CADM2: variants seen among roughly 807,000 people sequenced by gnomAD.
CADM2 encodes cell adhesion molecule 2.
In CADM2, 12 loss-of-function variants were observed where a neutral mutation model predicts 49.8. The observed-to-expected ratio is 0.24, with a 90% CI of 0.15 to 0.39. CADM2 has a LOEUF of 0.39. Ranked by LOEUF, CADM2 falls within the 10% of genes least tolerant of loss-of-function variation. The pLI is 1.00. For synonymous variants in CADM2, 214 were observed against 175.4 expected (o/e 1.22, Z -1.74); for missense variants, 378 against 492.3 (o/e 0.77, Z 2.20).
intron 1 of CADM2, among the ~76,000 whole-genome samples, chr3:85,525,026 G>C (rs1338488645): frequency 6.6e-6 from 1 of 152,100 alleles, no homozygotes; most frequent in Non-Finnish European, 1.5e-5. Context: ...GGCTAGGGGA[G>C]GGATAGCATT....
chr3:85,526,463 A>G (rs1302865877), intron 1 of CADM2, among the ~76,000 whole-genome samples: 3 of 151,826 alleles, frequency 2.0e-5, no homozygotes, highest in Non-Finnish European at 4.4e-5. Context: ...GTAGGTTTTC[A>G]ACAAAACAAA....
chr3:85,297,658 A>G (rs768891168), intron 1 of CADM2, among the ~76,000 whole-genome samples: 54 of 151,846 alleles, frequency 3.6e-4, no homozygotes, highest in Non-Finnish European at 2.6e-4. Flanking sequence ...TTTTCTCCCC[A>G]TCTCACACCT....
chr3:84,984,099 A>G (rs774329721), intron 1 of CADM2, among the ~76,000 whole-genome samples: 13 of 151,760 alleles, frequency 8.6e-5, no homozygotes, highest in Non-Finnish European at 1.6e-4. Context: ...AAAGGCACAA[A>G]CAAGAGCAAG....
chr3:85,215,056 A>G (rs1450225418), intron 1 of CADM2, among the ~76,000 whole-genome samples: 4 of 152,014 alleles, frequency 2.6e-5, no homozygotes, highest in Non-Finnish European at 5.9e-5. Context: ...GTAGCTAAGA[A>G]TGCTTTGGAT....
chr3:85,433,038 T>A (rs954960187), intron 1 of CADM2, among the ~76,000 whole-genome samples: 5 of 152,094 alleles, frequency 3.3e-5, no homozygotes, highest in African/African-American at 1.2e-4. Flanking sequence ...TTCATGCTAT[T>A]TAATTAGAAG....
chr3:86,006,580 T>A (rs905173294), intron 8 of CADM2, among the ~76,000 whole-genome samples: 1 of 152,104 alleles, frequency 6.6e-6, no homozygotes, highest in Non-Finnish European at 1.5e-5. Context: ...TTTTTTCTAT[T>A]AGGAATAAGC....
intron 2 of CADM2, among the ~76,000 whole-genome samples, chr3:85,777,141 T>A (rs556848687): frequency 6.6e-6 from 1 of 152,196 alleles, no homozygotes; most frequent in South Asian, 2.1e-4. Context: ...TTTTTCATTT[T>A]GTATTTCAGC....
chr3:85,831,509 T>C (rs568859946), intron 3 of CADM2, among the ~76,000 whole-genome samples: 1 of 152,156 alleles, frequency 6.6e-6, no homozygotes, highest in African/African-American at 2.4e-5. Flanking sequence ...TTTTGACTTT[T>C]TAATACTAAC....
Position 85,777,244 on chromosome 3 carries a change from A to AATTATTATT in CADM2, c.89-24784_89-24776dup, listed in dbSNP as rs71112117. 6.9e-3 allele frequency among the ~76,000 whole-genome samples: 1,021 copies of AATTATTATT among 148,746 alleles called. 6 individuals carry two copies. Among genetic ancestry groups the AATTATTATT allele is most frequent in the Middle Eastern group, 0.018 (5 of 280 alleles). On this transcript the variant is annotated intron_variant, in intron 2 of 9. Transcript: ENST00000383699. Reference sequence around the variant, plus strand: ...AAAACATTTGCTATGGTTTTTAAAAAATTATTATTATTATTATTATTATTA... The same window carrying AATTATTATT: ...AAAACATTTGCTATGGTTTTTAAAAAATTATTATTATTATTATTATTATTATTATTATTA...
chr3:85,814,757 T>G (rs1294600795), intron 3 of CADM2, among the ~76,000 whole-genome samples: 1 of 151,994 alleles, frequency 6.6e-6, no homozygotes, highest in Non-Finnish European at 1.5e-5. Flanking sequence ...TTCTATAGAA[T>G]TCTATAGTAT....
At chr3:85,301,188 T>C (rs2044090994) in intron 1 of CADM2, among the ~76,000 whole-genome samples, 2 of 152,060 alleles carry the variant, frequency 1.3e-5, no homozygotes, top group Non-Finnish European at 2.9e-5. Context: ...TGCAAATGCA[T>C]CCTCCTCAGA....
rs200922283 is a variant in CADM2, at chr3:85,817,032, G to T, written c.238+14836G>T. On this transcript the variant is annotated intron_variant, in intron 3 of 9. Transcript: ENST00000383699. The stretch of plus-strand genomic sequence containing the variant: ...TGTGAGCATGAAAATTACAAATTAG[G>T]TTAGGTATTCTACATTTCCTGATTT... Among the ~76,000 whole-genome samples the T allele has an allele frequency of 4.2e-4, 64 of 152,246 alleles. 1 individual carries two copies. The East Asian group carries it at 6.6e-3, about 16-fold the overall frequency.
intron 6 of CADM2, among the ~76,000 whole-genome samples, chr3:85,921,154 T>A (rs915489315): frequency 3.3e-5 from 5 of 151,970 alleles, no homozygotes; most frequent in Non-Finnish European, 5.9e-5. Context: ...ATCTTGTTAA[T>A]ACCTAATATT....
chr3:85,781,514 T>A (rs1483087628), intron 2 of CADM2, among the ~76,000 whole-genome samples: 3 of 152,190 alleles, frequency 2.0e-5, no homozygotes, highest in Non-Finnish European at 4.4e-5. Context: ...TAAAGTCTTC[T>A]GAAAGCCTTT....
chr3:85,794,033 T>C lies in CADM2; in HGVS notation c.89-8014T>C, dbSNP rs192936085. 1.6e-4 allele frequency among the ~76,000 whole-genome samples: 25 copies of C among 152,330 alleles called. No individual in the cohort carries two copies. In the East Asian group the frequency reaches 4.6e-3, roughly 28 times the overall value. On this transcript the variant is annotated intron_variant, in intron 2 of 9. Transcript: ENST00000383699. ...GCATAAATATGGCATAGTCCTGTCA[T>C]TTCAGGTCTTATTTTAGGGGTTTAA...
At chr3:85,622,021 T>C (rs1445555012) in intron 1 of CADM2, among the ~76,000 whole-genome samples, 1 of 152,204 alleles carries the variant, frequency 6.6e-6, no homozygotes, top group Non-Finnish European at 1.5e-5. Flanking sequence ...CAGATGAAAA[T>C]GTGTATACAC....
intron 2 of CADM2, among the ~76,000 whole-genome samples, chr3:85,762,594 C>CCTCTCTCTCTCTCTCT (rs758842388): frequency 6.0e-5 from 3 of 50,416 alleles, no homozygotes; most frequent in African/African-American, 4.4e-4. Flanking sequence ...CTGCACTACT[C>CCTCTCTCTCTCTCTCT]CTCTCTCTCT....
At chr3:85,865,037 A>G (rs2075673451) in intron 3 of CADM2, among the ~76,000 whole-genome samples, 1 of 152,226 alleles carries the variant, frequency 6.6e-6, no homozygotes. Context: ...TAGGCAGGGC[A>G]CTGTGATCCA....
At chr3:85,745,418 G>A (rs1382218417) in intron 2 of CADM2, among the ~76,000 whole-genome samples, 1 of 151,922 alleles carries the variant, frequency 6.6e-6, no homozygotes, top group Non-Finnish European at 1.5e-5. Context: ...GAAGGGGGAA[G>A]GCTAAAGTTG....
Sources: allele counts gnomAD v4.1 joint callset (sites outside exome capture counted in the v4.1 genomes callset), GRCh38; gene constraint gnomAD v4.1.1; transcripts MANE v1.5; gene names NCBI Gene and HGNC (gene_info 2026-07-23, HGNC 2026-07-21).